RNF13: variants seen among roughly 807,000 people sequenced by gnomAD.
RNF13 encodes the protein E3 ubiquitin-protein ligase RNF13.
In RNF13, 19 loss-of-function variants were observed where a neutral mutation model predicts 37.7. The ratio of observed to expected loss-of-function variants is 0.50; its 90% confidence interval spans 0.35 to 0.74. The LOEUF is 0.74. Ranked by LOEUF, RNF13 falls within the 30% of genes least tolerant of loss-of-function variation. RNF13 has a pLI of 0.01. For synonymous variants in RNF13, 144 were observed against 157.8 expected, an observed-to-expected ratio of 0.91 and a Z score of 0.65; for missense variants, 375 against 453.0, an observed-to-expected ratio of 0.83 and a Z score of 1.56.
chr3:149,897,289 G>A (rs1157165098), intron 5 of RNF13, among the ~76,000 whole-genome samples: 2 of 152,192 alleles, frequency 1.3e-5, no homozygotes, highest in Admixed American at 1.3e-4. Flanking sequence ...CCAGGATTTA[G>A]CAAACCTTCA....
intron 8 of RNF13, among the ~76,000 whole-genome samples, chr3:149,927,743 T>C (rs1718787409): frequency 6.6e-6 from 1 of 152,210 alleles, no homozygotes; most frequent in African/African-American, 2.4e-5. Context: ...CTTGTGCTTA[T>C]TGTCCACTTG....
chr3:149,862,055 G>C (rs933056762), intron 3 of RNF13, among the ~76,000 whole-genome samples: 66 of 151,952 alleles, frequency 4.3e-4, no homozygotes, highest in African/African-American at 1.3e-3. Flanking sequence ...ACTTATATGT[G>C]TTATTTTGCA....
At chr3:149,915,038 A>G (rs548735690) in intron 7 of RNF13, among the ~76,000 whole-genome samples, 128 of 152,286 alleles carry the variant, frequency 8.4e-4, no homozygotes, top group African/African-American at 2.4e-3. Flanking sequence ...AAAAAGCAGT[A>G]TAAGTCGTGG....
chr3:149,869,033 T>C (rs1171369954), intron 3 of RNF13, among the ~76,000 whole-genome samples: 1 of 151,822 alleles, frequency 6.6e-6, no homozygotes, highest in African/African-American at 2.4e-5. Context: ...TTATTGCTTT[T>C]CACTCTTTTC....
At chr3:149,893,528 G>A (rs1714934843) in intron 4 of RNF13, among the ~76,000 whole-genome samples, 1 of 152,172 alleles carries the variant, frequency 6.6e-6, no homozygotes, top group Admixed American at 6.5e-5. Flanking sequence ...TAAACTAATA[G>A]TAACCCCAAC....
chr3:149,826,486 A>C (rs1343860925), intron 1 of RNF13, among the ~76,000 whole-genome samples: 1 of 152,232 alleles, frequency 6.6e-6, no homozygotes, highest in Admixed American at 6.5e-5. Context: ...AAACTTGTGA[A>C]TTAAAAGACT....
At chr3:149,942,272 T>A (rs1167103003) in intron 8 of RNF13, among the ~76,000 whole-genome samples, 2 of 152,198 alleles carry the variant, frequency 1.3e-5, no homozygotes, top group African/African-American at 4.8e-5. Context: ...ACATTGAATC[T>A]GTAGATCACT....
At chr3:149,882,027 A>T (rs1455383101) in intron 4 of RNF13, among the ~76,000 whole-genome samples, 1 of 152,104 alleles carries the variant, frequency 6.6e-6, no homozygotes, top group Non-Finnish European at 1.5e-5. Flanking sequence ...TCTGCCACAG[A>T]GAAGGATATA....
At chr3:149,824,961 AT>A (rs113884325) in intron 1 of RNF13, among the ~76,000 whole-genome samples, 4,776 of 137,632 alleles carry the variant, frequency 0.035, 66 homozygotes, top group South Asian at 0.04. Context: ...ATTTTTCCTG[AT>A]TTTTTTTTTT....
chr3:149,913,130 C>T (rs1417375724), intron 7 of RNF13, among the ~76,000 whole-genome samples: 1 of 152,022 alleles, frequency 6.6e-6, no homozygotes, highest in African/African-American at 2.4e-5. Context: ...TTAAAATGTT[C>T]AGTCTTCCTA....
chr3:149,906,899 C>T (rs959039160), intron 6 of RNF13, among the ~76,000 whole-genome samples: 5 of 151,994 alleles, frequency 3.3e-5, no homozygotes, highest in Non-Finnish European at 7.4e-5. Flanking sequence ...GCAATCTGTC[C>T]GCCTCAGCTC....
At chr3:149,895,716 A>G (rs1715185467) in intron 5 of RNF13, 156 bp downstream of exon 5, 2 of 489,758 alleles carry the variant, frequency 4.1e-6, no homozygotes, top group African/African-American at 2.0e-5. Context: ...TTTTATTCAT[A>G]GTAGAGATGA....
At chr3:149,860,197 G>A (rs1724072104) in intron 3 of RNF13, among the ~76,000 whole-genome samples, 1 of 145,376 alleles carries the variant, frequency 6.9e-6, no homozygotes, top group African/African-American at 2.6e-5. Flanking sequence ...GATGCAGGTT[G>A]CAGTGAGCTG....
intron 7 of RNF13, among the ~76,000 whole-genome samples, chr3:149,919,815 C>T (rs192219897): frequency 1.2e-3 from 182 of 152,246 alleles, no homozygotes; most frequent in Non-Finnish European, 2.0e-3. Context: ...TAAGAAATTG[C>T]CAAGCTCTTT....
Position 149,907,842 on chromosome 3 carries a change from A to G in RNF13, c.501-4136A>G, listed in dbSNP as rs545905456. The stretch of plus-strand genomic sequence containing the variant: ...TATCCTTGACCATATACTATGTGCA[A>G]TTGCACAAATGTTTCTTTAGCAAAA... On this transcript the variant is annotated intron_variant, in intron 6 of 9. Transcript: ENST00000392894. Among the ~76,000 whole-genome samples the G allele has an allele frequency of 4.6e-5, 7 of 152,368 alleles. No individual in the cohort carries two copies. The South Asian group carries it at 1.0e-3, about 23-fold the overall frequency.
intron 3 of RNF13, among the ~76,000 whole-genome samples, chr3:149,861,100 CA>C (rs201122925): frequency 8.9e-5 from 13 of 146,438 alleles, no homozygotes; most frequent in African/African-American, 2.5e-4. Context: ...ATTAAAATGA[CA>C]AAAAAAAAGA....
At chr3:149,818,917 AT>A (rs1358078406) in intron 1 of RNF13, among the ~76,000 whole-genome samples, 4 of 152,166 alleles carry the variant, frequency 2.6e-5, no homozygotes, top group African/African-American at 7.2e-5. Context: ...TCTCAAAAAA[AT>A]AAAATAAGAT....
chr3:149,860,269 AAATATATATAT>A (rs1351783778), intron 3 of RNF13, among the ~76,000 whole-genome samples: 2 of 100,332 alleles, frequency 2.0e-5, no homozygotes, highest in Non-Finnish European at 4.1e-5. Flanking sequence ...AAAAAAAAAA[AAATATATATAT>A]ATATATATAT....
intron 6 of RNF13, among the ~76,000 whole-genome samples, chr3:149,903,978 T>C (rs181380337): frequency 3.9e-4 from 59 of 151,938 alleles, no homozygotes; most frequent in South Asian, 6.2e-4. Flanking sequence ...TGTCTATCTA[T>C]CTACCTACCT....
Sources: allele counts gnomAD v4.1 joint callset (sites outside exome capture counted in the v4.1 genomes callset), GRCh38; gene constraint gnomAD v4.1.1; transcripts MANE v1.5; gene names NCBI Gene and HGNC (gene_info 2026-07-23, HGNC 2026-07-21).